EYA3: variants seen among roughly 807,000 people sequenced by gnomAD.
The protein encoded by EYA3 is protein phosphatase EYA3.
Under a neutral mutation model 80.0 loss-of-function variants are expected in EYA3, and 39 were observed. That is an observed-to-expected ratio of 0.49 (90% CI 0.38 to 0.64). The LOEUF is 0.64. Ranked by LOEUF, EYA3 falls within the 30% of genes least tolerant of loss-of-function variation. The pLI is 0.00. For missense variants in EYA3, 523 were observed against 676.1 expected (o/e 0.77, Z 2.51); for synonymous variants, 206 against 232.8 (o/e 0.88, Z 1.05).
intron 17 of EYA3, chr1:27,977,264 G>A (rs767255623): frequency 6.5e-7 from 1 of 1,542,740 alleles, no homozygotes. Context: ...AGATAATAAT[G>A]CCAACTGATT....
At chr1:27,977,586 C>T (rs1639005239) in intron 17 of EYA3, among the ~76,000 whole-genome samples, 1 of 151,348 alleles carries the variant, frequency 6.6e-6, no homozygotes, top group South Asian at 2.1e-4. Flanking sequence ...CGTGGTGGCT[C>T]AAACCTGTAA....
intron 16 of EYA3, 92 bp downstream of exon 16, chr1:27,988,443 G>A: frequency 7.1e-7 from 1 of 1,406,214 alleles, no homozygotes; most frequent in Non-Finnish European, 9.7e-7. Flanking sequence ...CAAATAAAGT[G>A]TCTAACAAGA....
At chr1:28,030,319 G>T (rs1446219450) in intron 6 of EYA3, among the ~76,000 whole-genome samples, 1 of 152,086 alleles carries the variant, frequency 6.6e-6, no homozygotes, top group African/African-American at 2.4e-5. Flanking sequence ...TTGAGACAAG[G>T]TCTTGCTCTG....
intron 2 of EYA3, among the ~76,000 whole-genome samples, chr1:28,054,927 T>C (rs1360538707): frequency 2.0e-5 from 3 of 152,202 alleles, no homozygotes; most frequent in Non-Finnish European, 4.4e-5. Context: ...AGAGAGGAAT[T>C]AGATGCTGGA....
intron 4 of EYA3, among the ~76,000 whole-genome samples, chr1:28,040,857 G>T (rs1005631116): frequency 6.9e-6 from 1 of 145,274 alleles, no homozygotes; most frequent in Middle Eastern, 3.8e-3. Flanking sequence ...GGAGGGGCAG[G>T]GGGGGGTCGG....
At chr1:27,998,768 C>A (rs1169535383) in intron 12 of EYA3, among the ~76,000 whole-genome samples, 1 of 151,550 alleles carries the variant, frequency 6.6e-6, no homozygotes. Flanking sequence ...AAAATACTAT[C>A]TTTTTATTTT....
chr1:28,087,437 G>A (rs1440416495), intron 1 of EYA3, among the ~76,000 whole-genome samples: 2 of 152,152 alleles, frequency 1.3e-5, no homozygotes, highest in African/African-American at 4.8e-5. Context: ...GAAGGAAGAG[G>A]AAGACAAATA....
chr1:28,016,318 T>C (rs1336288689), intron 8 of EYA3, among the ~76,000 whole-genome samples: 2 of 151,896 alleles, frequency 1.3e-5, no homozygotes, highest in African/African-American at 2.4e-5. Flanking sequence ...TCACTCTAAG[T>C]CAGGAGTTTG....
rs777397768 is a variant in EYA3, at chr1:27,993,407, G to A, written c.1296C>T (p.Asn432=). 5.8e-5 allele frequency: 94 copies of A among 1,612,832 alleles called. No homozygotes were observed. Among genetic ancestry groups the A allele is most frequent in the Middle Eastern group, 1.6e-4 (1 of 6,082 alleles). The change falls in exon 14 of 18, where the codon AAC becomes AAT. Residue 432 remains asparagine, a synonymous_variant. Coordinates refer to ENST00000373871, the MANE Select transcript of EYA3 (RefSeq NM_001990.4). ...GTTATATGCCACACTTACCACCCAC[G>A]TTGCTTTTATGCTTATCATAGATTT... The part of the protein sequence containing the change: ...VREIYDKHKS[N]VGGLLSPQRK...
chr1:28,065,584 A>G (rs1392625700), intron 1 of EYA3, among the ~76,000 whole-genome samples: 2 of 151,888 alleles, frequency 1.3e-5, no homozygotes, highest in African/African-American at 2.4e-5. Flanking sequence ...TAACAATCTC[A>G]GCATATGATT....
At chr1:28,032,566 CA>C (rs963093098) in intron 6 of EYA3, among the ~76,000 whole-genome samples, 17 of 152,074 alleles carry the variant, frequency 1.1e-4, no homozygotes, top group Admixed American at 9.2e-4. Context: ...TAAAAGAAAT[CA>C]GAACAGTGGC....
intron 1 of EYA3, among the ~76,000 whole-genome samples, chr1:28,085,037 A>C (rs1030044694): frequency 6.6e-6 from 1 of 152,196 alleles, no homozygotes; most frequent in Non-Finnish European, 1.5e-5. Context: ...TTTTATTTAT[A>C]ATCAAAACAA....
At chr1:28,026,063 G>A (rs913579471) in intron 7 of EYA3, among the ~76,000 whole-genome samples, 2 of 152,272 alleles carry the variant, frequency 1.3e-5, no homozygotes, top group Non-Finnish European at 1.5e-5. Flanking sequence ...CCAGCCTCAT[G>A]ACTCTTAAAG....
intron 7 of EYA3, among the ~76,000 whole-genome samples, chr1:28,024,499 A>C (rs1473478376): frequency 6.6e-6 from 1 of 151,938 alleles, no homozygotes; most frequent in African/African-American, 2.4e-5. Flanking sequence ...TCTACTAAAA[A>C]TACAAAAATT....
chr1:27,988,736 G>T (rs1311602821), intron 15 of EYA3, 80 bp from the exon 16 acceptor site: 22 of 1,510,508 alleles, frequency 1.5e-5, no homozygotes, highest in East Asian at 2.3e-5. Flanking sequence ...CAACTCTTTA[G>T]AATTTAATTA....
At chr1:28,016,483 C>T (rs1255875411) in intron 8 of EYA3, among the ~76,000 whole-genome samples, 2 of 148,760 alleles carry the variant, frequency 1.3e-5, no homozygotes, top group Non-Finnish European at 3.0e-5. Flanking sequence ...GAGCCAAGAT[C>T]GCACCACTGT....
At chr1:28,004,167 A>G (rs1641100072) in intron 11 of EYA3, among the ~76,000 whole-genome samples, 169 bp downstream of exon 11, 1 of 152,232 alleles carries the variant, frequency 6.6e-6, no homozygotes, top group Non-Finnish European at 1.5e-5. Context: ...CTGCCTGACC[A>G]TGTAGCCTGC....
At chr1:28,033,853 T>G (rs1435084705) in intron 6 of EYA3, among the ~76,000 whole-genome samples, 16 of 149,422 alleles carry the variant, frequency 1.1e-4, no homozygotes, top group African/African-American at 3.9e-4. Context: ...AGAAACAGGG[T>G]TTCACCATGT....
chr1:28,086,010 C>T lies in EYA3; in HGVS notation c.-69+2514G>A, dbSNP rs190366910. 2.8e-3 allele frequency among the ~76,000 whole-genome samples: 430 copies of T among 152,246 alleles called. 1 individual carries two copies. Among genetic ancestry groups the T allele is most frequent in the Non-Finnish European group, 5.1e-3 (348 of 68,008 alleles). On this transcript the variant is annotated intron_variant, in intron 1 of 17. Transcript: ENST00000373871. ...TCACTCTTTGAAGGCAAAATGACTT[C>T]GGCTTTGGATTTTAAAATCCATGTC... is the stretch of plus-strand genomic sequence containing the variant.
Sources: allele counts gnomAD v4.1 joint callset (sites outside exome capture counted in the v4.1 genomes callset), GRCh38; gene constraint gnomAD v4.1.1; transcripts MANE v1.5; gene names NCBI Gene and HGNC (gene_info 2026-07-23, HGNC 2026-07-21).